MAN1A2: variants seen among roughly 807,000 people sequenced by gnomAD.
MAN1A2 encodes mannosyl-oligosaccharide 1,2-alpha-mannosidase IB.
In MAN1A2, 26 loss-of-function variants were observed where a neutral mutation model predicts 75.7. The observed-to-expected ratio is 0.34, with a 90% CI of 0.25 to 0.48. The LOEUF (loss-of-function observed/expected upper bound fraction) is 0.48. Ranked by LOEUF, MAN1A2 falls within the 20% of genes least tolerant of loss-of-function variation. The probability of loss-of-function intolerance (pLI) is 0.99; values close to 1 mark genes in which losing one functional copy is unlikely to be tolerated. For synonymous variants in MAN1A2, 247 were observed against 264.6 expected, an observed-to-expected ratio of 0.93 and a Z score of 0.65; for missense variants, 562 against 775.5, an observed-to-expected ratio of 0.72 and a Z score of 3.27.
At chr1:117,434,208 A>C (rs1648772881) in intron 5 of MAN1A2, among the ~76,000 whole-genome samples, 1 of 152,198 alleles carries the variant, frequency 6.6e-6, no homozygotes, top group South Asian at 2.1e-4. Flanking sequence ...CCCTGTGTTT[A>C]TAGAGCTATA....
intron 8 of MAN1A2, among the ~76,000 whole-genome samples, chr1:117,490,674 A>C (rs1196578507): frequency 1.3e-5 from 2 of 152,140 alleles, no homozygotes; most frequent in Non-Finnish European, 2.9e-5. Flanking sequence ...AGATGTAATT[A>C]AGCTTAGTGA....
At chr1:117,393,476 A>ATTT (rs755130917) in intron 1 of MAN1A2, among the ~76,000 whole-genome samples, 12 of 144,926 alleles carry the variant, frequency 8.3e-5, no homozygotes, top group African/African-American at 2.8e-4. Flanking sequence ...TGCTTCAACT[A>ATTT]TTTTTTTTTT....
chr1:117,497,465 T>C (rs1651066186), intron 10 of MAN1A2, among the ~76,000 whole-genome samples: 1 of 151,962 alleles, frequency 6.6e-6, no homozygotes, highest in African/African-American at 2.4e-5. Context: ...TTTGGAATTG[T>C]TTATGGCTTT....
Position 117,451,377 on chromosome 1 carries a change from G to A in MAN1A2, c.950+9052G>A, listed in dbSNP as rs116357430. 7.4e-3 allele frequency among the ~76,000 whole-genome samples: 1,131 copies of A among 152,348 alleles called. 19 individuals are homozygous for A. The highest frequency in any genetic ancestry group is 0.026 in the African/African-American group (1,071 of 41,572). The stretch of plus-strand genomic sequence containing the variant: ...ATTTTGACTTTACAGGCATGTAGGC[G>A]GAGGGGACTTGCCTTGTTTCAGATG... On this transcript the variant is annotated intron_variant, in intron 6 of 12. Coordinates refer to ENST00000356554, the MANE Select transcript of MAN1A2 (RefSeq NM_006699.5).
intron 6 of MAN1A2, 31 bp from the exon 7 acceptor site, chr1:117,460,458 G>A (rs754282300): frequency 4.2e-5 from 66 of 1,559,178 alleles, no homozygotes; most frequent in Non-Finnish European, 5.5e-5. Context: ...TCCCAATCCT[G>A]TGTCTCCTTT....
At chr1:117,416,294 T>A (rs555671859) in intron 4 of MAN1A2, among the ~76,000 whole-genome samples, 2 of 152,084 alleles carry the variant, frequency 1.3e-5, no homozygotes, top group African/African-American at 4.8e-5. Flanking sequence ...TTAACTACAA[T>A]TTTTTTTATA....
At chr1:117,411,709 GA>G (rs1258688417) in intron 3 of MAN1A2, among the ~76,000 whole-genome samples, 1 of 151,694 alleles carries the variant, frequency 6.6e-6, no homozygotes, top group Non-Finnish European at 1.5e-5. Flanking sequence ...CCCACCCAAG[GA>G]GGTATATGAA....
chr1:117,468,207 G>A (rs1650038180), intron 8 of MAN1A2, among the ~76,000 whole-genome samples: 1 of 152,098 alleles, frequency 6.6e-6, no homozygotes, highest in Non-Finnish European at 1.5e-5. Context: ...TGGCAGGAAG[G>A]AGAAGTGCCA....
intron 6 of MAN1A2, among the ~76,000 whole-genome samples, chr1:117,454,813 A>AG (rs201089482): frequency 0.012 from 1,803 of 152,278 alleles, 20 homozygotes; most frequent in Non-Finnish European, 0.018. Flanking sequence ...AGTAGCACAG[A>AG]GGATAGTATG....
intron 6 of MAN1A2, among the ~76,000 whole-genome samples, chr1:117,444,046 C>G (rs937305346): frequency 4.6e-5 from 7 of 151,902 alleles, no homozygotes; most frequent in Admixed American, 2.6e-4. Flanking sequence ...ATACAGCAGA[C>G]AGAAACAAAA....
At chr1:117,433,161 A>G (rs539605139) in intron 5 of MAN1A2, among the ~76,000 whole-genome samples, 1 of 152,184 alleles carries the variant, frequency 6.6e-6, no homozygotes, top group Non-Finnish European at 1.5e-5. Context: ...GTACAGCGTG[A>G]TAATTCCCAA....
At chr1:117,519,223 C>T (rs992160045) in intron 12 of MAN1A2, among the ~76,000 whole-genome samples, 4 of 152,060 alleles carry the variant, frequency 2.6e-5, no homozygotes, top group Admixed American at 6.6e-5. Flanking sequence ...TAAATGCCTA[C>T]GTCAGAAAGA....
At chr1:117,388,342 G>A (rs924240306) in intron 1 of MAN1A2, among the ~76,000 whole-genome samples, 13 of 152,100 alleles carry the variant, frequency 8.5e-5, no homozygotes, top group Admixed American at 2.6e-4. Flanking sequence ...TGTAGGCAGG[G>A]GAGACATGGT....
At chr1:117,415,771 C>G (rs1647971071) in intron 4 of MAN1A2, among the ~76,000 whole-genome samples, 1 of 151,972 alleles carries the variant, frequency 6.6e-6, no homozygotes, top group Admixed American at 6.6e-5. Context: ...GTTCTGTTGG[C>G]TTCAGTGTAT....
chr1:117,521,290 AAAAC>A (rs1363905840), intron 12 of MAN1A2, among the ~76,000 whole-genome samples: 1 of 152,114 alleles, frequency 6.6e-6, no homozygotes, highest in Admixed American at 6.6e-5. Context: ...AAATGCAACA[AAAAC>A]AAAGATAAAT....
Position 117,502,896 on chromosome 1 carries a change from A to G in MAN1A2, c.1719A>G (p.Gly573=). Residue 573 remains glycine (G), a synonymous_variant, in exon 12 of 13, where the codon GGA becomes GGG. Transcript: ENST00000356554. ...KYCRVNGGFS[G]VKDVYSSTPT... Reference sequence around the variant, plus strand: ...GCCGAGTTAATGGTGGGTTTTCTGGAGTCAAAGATGTATATTCCTCTACTC... The same window carrying G: ...GCCGAGTTAATGGTGGGTTTTCTGGGGTCAAAGATGTATATTCCTCTACTC... The G allele has an allele frequency of 6.2e-7, 1 of 1,608,082 alleles. No individual in the cohort carries two copies. Among genetic ancestry groups the G allele is most frequent in the Non-Finnish European group, 8.5e-7 (1 of 1,176,308 alleles).
intron 6 of MAN1A2, among the ~76,000 whole-genome samples, chr1:117,456,878 T>C (rs1035497993): frequency 1.3e-5 from 2 of 152,044 alleles, no homozygotes; most frequent in East Asian, 1.9e-4. Context: ...ATAAATCTAA[T>C]TGAAAATAGG....
chr1:117,496,791 C>T lies in MAN1A2; in HGVS notation c.1313C>T (p.Ser438Phe), dbSNP rs748551416. Residue 438 changes from serine to phenylalanine, a missense_variant, in exon 10 of 13, where the codon TCT becomes TTT. Transcript: ENST00000356554. Reference protein sequence around the residue: ...EAIEKHLIKKSRGGLTFIGEW... With the variant: ...EAIEKHLIKKFRGGLTFIGEW... The stretch of plus-strand genomic sequence containing the variant: ...ATAGAAAAACATCTTATTAAGAAGT[C>T]TCGTGGAGGTCTTACCTTTATTGGA... The T allele has an allele frequency of 2.5e-6, 4 of 1,611,822 alleles. No homozygotes were observed. The highest frequency in any genetic ancestry group is 3.4e-6 in the Non-Finnish European group (4 of 1,178,840).
intron 5 of MAN1A2, among the ~76,000 whole-genome samples, chr1:117,425,677 T>C (rs1648345600): frequency 6.6e-6 from 1 of 152,146 alleles, no homozygotes; most frequent in South Asian, 2.1e-4. Context: ...TGCAGCAAAC[T>C]AGAAGTAGAA....
Sources: allele counts gnomAD v4.1 joint callset (sites outside exome capture counted in the v4.1 genomes callset), GRCh38; gene constraint gnomAD v4.1.1; transcripts MANE v1.5; gene names NCBI Gene and HGNC (gene_info 2026-07-23, HGNC 2026-07-21).